Variants in SPOCK3 observed in about 807,000 individuals in gnomAD.
The protein encoded by SPOCK3 is SPARC (osteonectin), cwcv and kazal like domains proteoglycan 3.
Under a neutral mutation model 56.6 loss-of-function variants are expected in SPOCK3, and 30 were observed. That is an observed-to-expected ratio of 0.53 (90% CI 0.40 to 0.72). The LOEUF (loss-of-function observed/expected upper bound fraction) is 0.72. Among genes scored for constraint, SPOCK3 ranks in the 30% least tolerant of loss-of-function variants. The pLI is 0.00. For missense variants in SPOCK3, 527 were observed against 530.0 expected (o/e 0.99, Z 0.06); for synonymous variants, 196 against 183.3 (o/e 1.07, Z -0.56).
intron 4 of SPOCK3, among the ~76,000 whole-genome samples, chr4:166,917,063 T>C (rs956484529): frequency 6.6e-5 from 10 of 152,124 alleles, no homozygotes; most frequent in African/African-American, 2.4e-4. Context: ...AGCCCAGTCA[T>C]ATGATAACCA....
rs757157458 is a variant in SPOCK3 at position 166,792,266 on chromosome 4, C to A, written c.613G>T (p.Glu205Ter). The change falls in exon 7 of 11, where the codon GAA becomes TAA. Residue 205 changes from glutamate to a stop codon, truncating the protein, a stop_gained. Coordinates refer to ENST00000357545, the MANE Select transcript of SPOCK3 (RefSeq NM_001040159.2). LOFTEE classifies it high-confidence loss of function. ...KRACSDLEFR[E>*]VANRLRDWFK... ...CAGTCCCGCAATCTGTTTGCCACTT[C>A]CCTGAACTCCAGGTCACTGCATGCT... 6.2e-7 allele frequency: 1 copy of A among 1,613,814 alleles called. No homozygotes were observed. Among genetic ancestry groups the A allele is most frequent in the Non-Finnish European group, 8.5e-7 (1 of 1,179,810 alleles).
intron 6 of SPOCK3, among the ~76,000 whole-genome samples, chr4:166,819,792 A>C (rs1744738178): frequency 6.6e-6 from 1 of 151,728 alleles, no homozygotes. Context: ...ACTCAGGCTG[A>C]AGTGGCACCC....
chr4:167,055,687 G>A (rs1489648788), intron 3 of SPOCK3, among the ~76,000 whole-genome samples: 1 of 152,348 alleles, frequency 6.6e-6, no homozygotes, highest in African/African-American at 2.4e-5. Context: ...CGCCCACGGA[G>A]TCTCACTGAT....
intron 6 of SPOCK3, among the ~76,000 whole-genome samples, chr4:166,847,681 A>ATATATATATATATATATATAT (rs1560926812): frequency 2.4e-3 from 215 of 91,108 alleles, no homozygotes; most frequent in Non-Finnish European, 3.0e-3. Flanking sequence ...ATATATATAT[A>ATATATATATATATATATATAT]AGAATCATGT....
chr4:167,013,581 G>T (rs1296613003), intron 3 of SPOCK3, among the ~76,000 whole-genome samples: 1 of 151,178 alleles, frequency 6.6e-6, no homozygotes, highest in Non-Finnish European at 1.5e-5. Context: ...TTTCCATTTT[G>T]TAATCTATTA....
intron 2 of SPOCK3, among the ~76,000 whole-genome samples, chr4:167,153,691 G>T (rs1764590842): frequency 6.6e-6 from 1 of 152,100 alleles, no homozygotes; most frequent in African/African-American, 2.4e-5. Flanking sequence ...TTAAATTTTA[G>T]CAGTATTTTT....
chr4:166,963,757 A>C (rs551530247), intron 4 of SPOCK3, among the ~76,000 whole-genome samples: 71 of 152,080 alleles, frequency 4.7e-4, no homozygotes, highest in African/African-American at 1.6e-3. Flanking sequence ...GGAGGACATG[A>C]ATATGAATAC....
chr4:166,781,860 A>C (rs184398723), intron 7 of SPOCK3, among the ~76,000 whole-genome samples: 126 of 152,316 alleles, frequency 8.3e-4, no homozygotes, highest in Non-Finnish European at 1.5e-3. Flanking sequence ...GCGGCATGAC[A>C]GGGGTAACAT....
chr4:166,878,240 C>A (rs1733301998), intron 6 of SPOCK3, among the ~76,000 whole-genome samples: 1 of 152,166 alleles, frequency 6.6e-6, no homozygotes, highest in African/African-American at 2.4e-5. Context: ...GATCACGCCA[C>A]TGCAATCCAC....
rs761747285 is a variant in SPOCK3, at chr4:166,754,489, T to G, written c.931+19A>C. The G allele has an allele frequency of 6.2e-7, 1 of 1,606,362 alleles. No individual in the cohort carries two copies. Among genetic ancestry groups the G allele is most frequent in the South Asian group, 1.1e-5 (1 of 90,612 alleles). On this transcript the variant is annotated intron_variant, in intron 8 of 10. Transcript: ENST00000357545. Reference sequence around the variant, plus strand: ...CATGCAGGTCAACTATTTGCGTCTGTAAGGGTCTCATCTTTTACCTTGCTG... The same window carrying G: ...CATGCAGGTCAACTATTTGCGTCTGGAAGGGTCTCATCTTTTACCTTGCTG...
At chr4:167,148,885 A>G (rs2150412351) in intron 2 of SPOCK3, among the ~76,000 whole-genome samples, 1 of 152,284 alleles carries the variant, frequency 6.6e-6, no homozygotes, top group Non-Finnish European at 1.5e-5. Flanking sequence ...AGCTAAAAAA[A>G]ATTTGGAACA....
At chr4:167,224,413 T>C (rs1736384228) in intron 2 of SPOCK3, among the ~76,000 whole-genome samples, 1 of 152,080 alleles carries the variant, frequency 6.6e-6, no homozygotes, top group Non-Finnish European at 1.5e-5. Context: ...GCTATAACAA[T>C]CTGAAAATAG....
At chr4:167,074,054 T>TGA (rs1412673379) in intron 2 of SPOCK3, among the ~76,000 whole-genome samples, 1 of 139,784 alleles carries the variant, frequency 7.2e-6, no homozygotes, top group Non-Finnish European at 1.6e-5. Context: ...ACACACTTTC[T>TGA]AAAAAAAAAA....
chr4:166,936,416 T>C (rs1175716804), intron 4 of SPOCK3, among the ~76,000 whole-genome samples: 1 of 152,156 alleles, frequency 6.6e-6, no homozygotes, highest in Non-Finnish European at 1.5e-5. Context: ...AAAACACTTA[T>C]GTCTAGAGAT....
intron 2 of SPOCK3, among the ~76,000 whole-genome samples, chr4:167,118,822 C>G (rs1430495984): frequency 1.3e-5 from 2 of 152,106 alleles, no homozygotes; most frequent in Non-Finnish European, 2.9e-5. Context: ...TACTTTCTTC[C>G]TAAATACTCA....
intron 6 of SPOCK3, among the ~76,000 whole-genome samples, chr4:166,840,805 G>T: frequency 1.2e-5 from 1 of 86,902 alleles, no homozygotes; most frequent in South Asian, 3.5e-4. Flanking sequence ...TTTAGATGCA[G>T]TCTCGCTCTG....
intron 6 of SPOCK3, among the ~76,000 whole-genome samples, chr4:166,834,314 A>T (rs952521083): frequency 6.6e-6 from 1 of 152,200 alleles, no homozygotes; most frequent in Non-Finnish European, 1.5e-5. Flanking sequence ...GATCGCTCAT[A>T]GGTAGCCACC....
rs188347227 is a variant in SPOCK3 at position 166,931,598 on chromosome 4, T to A, written c.351-18855A>T. On this transcript the variant is annotated intron_variant, in intron 4 of 10. Transcript: ENST00000357545. ...TCTGTAATACATAAGTGCTCAAAAATATTTATTTTAAAAACCGTGAATAAT... is the reference window on the plus strand; with the variant it reads ...TCTGTAATACATAAGTGCTCAAAAAAATTTATTTTAAAAACCGTGAATAAT... Among the ~76,000 whole-genome samples the A allele has an allele frequency of 3.1e-3, 476 of 152,356 alleles. 10 individuals carry two copies. The highest frequency in any genetic ancestry group is 0.027 in the Admixed American group (418 of 15,300).
At position 166,982,429 on chromosome 4, in the gene SPOCK3, G is replaced by A. The variant is rs530686944; in HGVS notation, c.350+17920C>T. Among the ~76,000 whole-genome samples, 34 of 152,222 alleles carry A rather than the reference G, an allele frequency of 2.2e-4. No homozygotes were observed. In the East Asian group the frequency reaches 3.1e-3, roughly 14 times the overall value. On this transcript the variant is annotated intron_variant, in intron 4 of 10. Transcript: ENST00000357545. Reference sequence around the variant, plus strand: ...TCCTATAGACGTGGTGGTAGGCGCCGTAGTCCCAGCTACTTGGGAGGCTGA... The same window carrying A: ...TCCTATAGACGTGGTGGTAGGCGCCATAGTCCCAGCTACTTGGGAGGCTGA...
Sources: gnomAD v4.1 joint callset for allele counts (sites outside exome capture counted in the v4.1 genomes callset) on GRCh38, gnomAD v4.1.1 for gene constraint, MANE v1.5 for transcripts, NCBI Gene and HGNC (gene_info 2026-07-23, HGNC 2026-07-21) for gene names.